AUTS2: variants seen among roughly 807,000 people sequenced by gnomAD.
The protein encoded by AUTS2 is activator of transcription and developmental regulator AUTS2, also known as autism susceptibility gene 2 protein.
In AUTS2, 17 loss-of-function variants were observed where a neutral mutation model predicts 112.4. That is an observed-to-expected ratio of 0.15 (90% confidence interval 0.10 to 0.23). AUTS2 has a LOEUF of 0.23. AUTS2 is among the 10% of genes least tolerant of loss of function. The pLI is 1.00. For missense variants in AUTS2, 1,510 were observed against 1,701.6 expected, an observed-to-expected ratio of 0.89 and a Z score of 1.98; for synonymous variants, 751 against 702.7, an observed-to-expected ratio of 1.07 and a Z score of -1.09.
intron 4 of AUTS2, among the ~76,000 whole-genome samples, chr7:70,241,473 A>C (rs1285081408): frequency 6.6e-6 from 1 of 152,182 alleles, no homozygotes; most frequent in Non-Finnish European, 1.5e-5. Flanking sequence ...AGTACTTACT[A>C]CTTTTTTGAA....
intron 2 of AUTS2, among the ~76,000 whole-genome samples, chr7:69,927,955 G>A (rs1397184738): frequency 6.6e-6 from 1 of 152,196 alleles, no homozygotes; most frequent in East Asian, 1.9e-4. Context: ...TGTGGTGGTG[G>A]GGTGTTATCC....
intron 1 of AUTS2, among the ~76,000 whole-genome samples, chr7:69,701,460 C>T (rs1009187156): frequency 6.6e-6 from 1 of 152,098 alleles, no homozygotes; most frequent in African/African-American, 2.4e-5. Context: ...AAGGAGCCCT[C>T]GTGCCTTGCA....
At chr7:69,701,850 G>A (rs1250682353) in intron 1 of AUTS2, among the ~76,000 whole-genome samples, 3 of 152,166 alleles carry the variant, frequency 2.0e-5, no homozygotes, top group Non-Finnish European at 2.9e-5. Flanking sequence ...GTGGAGTTGG[G>A]GTTTGAGTCC....
At chr7:70,523,107 G>A (rs765287321) in intron 5 of AUTS2, among the ~76,000 whole-genome samples, 33 of 152,160 alleles carry the variant, frequency 2.2e-4, no homozygotes, top group Non-Finnish European at 3.4e-4. Context: ...CTCCTCAAAT[G>A]CAATAACAGA....
chr7:70,218,994 C>T (rs1811324244), intron 4 of AUTS2, among the ~76,000 whole-genome samples: 1 of 152,024 alleles, frequency 6.6e-6, no homozygotes, highest in African/African-American at 2.4e-5. Flanking sequence ...CATTTTTTGT[C>T]ATTTGTTCTG....
At chr7:70,358,425 TC>T (rs1434304723) in intron 4 of AUTS2, among the ~76,000 whole-genome samples, 1 of 152,218 alleles carries the variant, frequency 6.6e-6, no homozygotes, top group African/African-American at 2.4e-5. Flanking sequence ...GCTTTGCTCC[TC>T]ACCTCACTCA....
intron 4 of AUTS2, among the ~76,000 whole-genome samples, chr7:70,181,653 AT>A (rs539059646): frequency 2.3e-3 from 346 of 151,228 alleles, no homozygotes; most frequent in Non-Finnish European, 3.3e-3. Flanking sequence ...CACCCAGCTA[AT>A]TTTTTTGTAT....
At chr7:70,507,951 A>T (rs1490922112) in intron 5 of AUTS2, among the ~76,000 whole-genome samples, 1 of 152,156 alleles carries the variant, frequency 6.6e-6, no homozygotes, top group East Asian at 1.9e-4. Context: ...TATTCCAAAG[A>T]CTTAATTTTT....
chr7:69,743,311 C>T (rs943115461), intron 1 of AUTS2, among the ~76,000 whole-genome samples: 4 of 152,244 alleles, frequency 2.6e-5, no homozygotes, highest in East Asian at 1.9e-4. Flanking sequence ...AGTACTTTAG[C>T]GTTCATCAGT....
intron 5 of AUTS2, among the ~76,000 whole-genome samples, chr7:70,628,130 T>C (rs933354327): frequency 6.6e-6 from 1 of 152,056 alleles, no homozygotes; most frequent in Non-Finnish European, 1.5e-5. Context: ...GGCAAAGCAA[T>C]GCCTTGGAAG....
chr7:69,867,188 A>G (rs888935607), intron 1 of AUTS2, among the ~76,000 whole-genome samples: 3 of 141,928 alleles, frequency 2.1e-5, no homozygotes, highest in African/African-American at 7.7e-5. Flanking sequence ...TTTCTCTGCT[A>G]TTAAAGGGGA....
At chr7:70,257,068 A>C (rs917690292) in intron 4 of AUTS2, among the ~76,000 whole-genome samples, 4 of 152,110 alleles carry the variant, frequency 2.6e-5, no homozygotes, top group Non-Finnish European at 5.9e-5. Context: ...TCCTTACATG[A>C]TGGTCCGGGC....
At chr7:70,312,996 A>G (rs1789831071) in intron 4 of AUTS2, among the ~76,000 whole-genome samples, 1 of 152,232 alleles carries the variant, frequency 6.6e-6, no homozygotes, top group South Asian at 2.1e-4. Context: ...GGAGTAAAAG[A>G]ACGTCTAAAC....
chr7:69,729,252 A>G (rs747135404), intron 1 of AUTS2, among the ~76,000 whole-genome samples: 1 of 152,142 alleles, frequency 6.6e-6, no homozygotes, highest in Non-Finnish European at 1.5e-5. Flanking sequence ...TAGGCAGAGT[A>G]TGAGAGGAGA....
At chr7:70,369,039 G>C (rs1792718748) in intron 4 of AUTS2, among the ~76,000 whole-genome samples, 1 of 152,148 alleles carries the variant, frequency 6.6e-6, no homozygotes, top group African/African-American at 2.4e-5. Flanking sequence ...TCTTAGTTCA[G>C]CTTAAAATTA....
chr7:70,476,812 T>G (rs1797601242), intron 5 of AUTS2, among the ~76,000 whole-genome samples: 1 of 152,200 alleles, frequency 6.6e-6, no homozygotes, highest in South Asian at 2.1e-4. Context: ...TAAATATGAA[T>G]GTAAAGCACA....
chr7:69,856,643 T>G (rs1187376839), intron 1 of AUTS2, among the ~76,000 whole-genome samples: 1 of 152,210 alleles, frequency 6.6e-6, no homozygotes, highest in Non-Finnish European at 1.5e-5. Flanking sequence ...CACTTAAGTA[T>G]TCTCAGCCTT....
chr7:70,583,877 G>A (rs575191965), intron 5 of AUTS2, among the ~76,000 whole-genome samples: 11 of 152,280 alleles, frequency 7.2e-5, no homozygotes, highest in South Asian at 4.1e-4. Flanking sequence ...GTAGAGCAGC[G>A]GTAAGCAGTG....
At chr7:70,245,712 T>C (rs984300327) in intron 4 of AUTS2, among the ~76,000 whole-genome samples, 1 of 152,188 alleles carries the variant, frequency 6.6e-6, no homozygotes, top group African/African-American at 2.4e-5. Context: ...GTATGACTGT[T>C]CTTTTATGTG....
Sources: gnomAD v4.1 joint callset for allele counts (sites outside exome capture counted in the v4.1 genomes callset) on GRCh38, gnomAD v4.1.1 for gene constraint, MANE v1.5 for transcripts, NCBI Gene and HGNC (gene_info 2026-07-23, HGNC 2026-07-21) for gene names.